The following BCL9L variants were observed in gnomAD, a reference collection of about 807,000 sequenced individuals.
The protein encoded by BCL9L is BCL9 like.
Under a neutral mutation model 99.4 loss-of-function variants are expected in BCL9L, and 19 were observed. That is an observed-to-expected ratio of 0.19 (90% confidence interval 0.13 to 0.28). The LOEUF is 0.28. BCL9L is among the 10% of genes least tolerant of loss of function. BCL9L has a pLI of 1.00. For synonymous variants in BCL9L, 900 were observed against 854.8 expected, an observed-to-expected ratio of 1.05 and a Z score of -0.92; for missense variants, 2,023 against 2,101.6, an observed-to-expected ratio of 0.96 and a Z score of 0.73.
chr11:118,902,735 G>A lies in BCL9L; in HGVS notation c.1008C>T (p.Pro336=). The A allele has an allele frequency of 1.3e-6, 2 of 1,596,604 alleles. No homozygotes were observed. Among genetic ancestry groups the A allele is most frequent in the South Asian group, 1.1e-5 (1 of 90,766 alleles). The stretch of plus-strand genomic sequence containing the variant: ...CTGTGCTGGCAGCTCCCACCGAGTT[G>A]GGGGCCAGGTCCTGACTGCTGTCCT... ...PPEDSSQDLA[P]NSVGAASTGG... The change falls in exon 8 of 10, where the codon CCC becomes CCT. Residue 336 remains proline (P), a synonymous_variant. Transcript: ENST00000683865. This position sits in a 1 kb window ranked among gnomAD's most constrained non-coding sequence, Gnocchi z 7.8.
Position 118,907,581 on chromosome 11 carries a change from C to A in BCL9L, c.434G>T (p.Arg145Leu), listed in dbSNP as rs780637963. 1 of 1,613,474 alleles carries A rather than the reference C, an allele frequency of 6.2e-7. No individual in the cohort carries two copies. The highest frequency in any genetic ancestry group is 1.7e-5 in the Admixed American group (1 of 60,014). Reference sequence around the variant, plus strand: ...CTGCTTCCGCTCCAGCACACAGCGCCGCTTACTCCGCGGCGCCACCTCTGC... The same window carrying A: ...CTGCTTCCGCTCCAGCACACAGCGCAGCTTACTCCGCGGCGCCACCTCTGC... ...EAKEVAPRSKRRCVLERKQPY... is the reference protein window; with the variant it reads ...EAKEVAPRSKLRCVLERKQPY... Residue 145 changes from arginine to leucine, a missense_variant, in exon 5 of 10, where the codon CGG becomes CTG. Physicochemically the swap from Arg to Leu is moderately radical, Grantham distance 102 (BLOSUM62 -2). Coordinates refer to ENST00000683865, the MANE Select transcript of BCL9L (RefSeq NM_001378213.1).
At chr11:118,907,309 T>G (rs976890480) in intron 5 of BCL9L, among the ~76,000 whole-genome samples, 174 bp downstream of exon 5, 1 of 152,162 alleles carries the variant, frequency 6.6e-6, no homozygotes, top group Non-Finnish European at 1.5e-5. Context: ...ACTGAGCACC[T>G]GGAAGGCAGA....
At chr11:118,909,216 G>A (rs907377205) in intron 3 of BCL9L, among the ~76,000 whole-genome samples, 1 of 152,186 alleles carries the variant, frequency 6.6e-6, no homozygotes, top group African/African-American at 2.4e-5. Flanking sequence ...CCTGAGGAGG[G>A]GGGCTTGGCA....
rs1243643332 is a variant in BCL9L, at chr11:118,925,830, G to T, written c.-723C>A. 1.3e-5 allele frequency among the ~76,000 whole-genome samples: 2 copies of T among 151,002 alleles called. No homozygotes were observed. Among genetic ancestry groups the T allele is most frequent in the East Asian group, 3.9e-4 (2 of 5,110 alleles). ...CGGCCCCGGGTCCGGGGCATGTCCA[G>T]CCACTGGCTCCGCCGCGCGCCGCCG... On this transcript the variant is annotated 5_prime_UTR_variant, in exon 1 of 10. The change creates a new upstream start codon in the 5' untranslated region. Coordinates refer to ENST00000683865, the MANE Select transcript of BCL9L (RefSeq NM_001378213.1). The surrounding 1 kb of genome is among the most constrained non-coding windows in gnomAD (Gnocchi z 6.4).
chr11:118,901,997 C>T lies in BCL9L; in HGVS notation c.1746G>A (p.Gly582=), dbSNP rs139573257. The part of the protein sequence containing the change: ...WPPGMGAQLR[G]PMDVQDPMQL... ...GCATGGGATCTTGAACATCCATGGGCCCCCGCAGCTGCGCACCCATTCCAG... is the reference window on the plus strand; with the variant it reads ...GCATGGGATCTTGAACATCCATGGGTCCCCGCAGCTGCGCACCCATTCCAG... Residue 582 remains glycine, a synonymous_variant, in exon 8 of 10, where the codon GGG becomes GGA. Coordinates refer to ENST00000683865, the MANE Select transcript of BCL9L (RefSeq NM_001378213.1). The surrounding 1 kb of genome is among the most constrained non-coding windows in gnomAD (Gnocchi z 6.6). 6.2e-7 allele frequency: 1 copy of T among 1,612,942 alleles called. No individual in the cohort carries two copies. Among genetic ancestry groups the T allele is most frequent in the African/African-American group, 1.3e-5 (1 of 74,938 alleles).
At chr11:118,910,220 T>C in intron 2 of BCL9L, 3 of 479,170 alleles carry the variant, frequency 6.3e-6, no homozygotes, top group Non-Finnish European at 1.2e-5. Context: ...CTCAGGGGGC[T>C]TGCAGTCTCC....
Position 118,901,190 on chromosome 11 carries a change from T to A in BCL9L, c.2553A>T (p.Gly851=). ...ACATGGCTTGGTAGGGTCCCTGGCC[T>A]CCAGAGAATCCCTGCTGGCCCTGGT... The part of the protein sequence containing the change: ...FPNQGQQGFS[G]GQGPYQAMSQ... Residue 851 remains glycine (G), a synonymous_variant, in exon 8 of 10, where the codon GGA becomes GGT. Coordinates refer to ENST00000683865, the MANE Select transcript of BCL9L (RefSeq NM_001378213.1). This position sits in a 1 kb window ranked among gnomAD's most constrained non-coding sequence, Gnocchi z 6.6. 1 of 1,613,990 alleles carries A rather than the reference T, an allele frequency of 6.2e-7. No homozygotes were observed. Among genetic ancestry groups the A allele is most frequent in the Non-Finnish European group, 8.5e-7 (1 of 1,179,966 alleles).
intron 2 of BCL9L, among the ~76,000 whole-genome samples, chr11:118,918,612 GGGTTC>G (rs1439736780): frequency 6.6e-6 from 1 of 151,936 alleles, no homozygotes; most frequent in Non-Finnish European, 1.5e-5. Flanking sequence ...ACTGGGTCTA[GGGTTC>G]TGGTCAGCCT....
At chr11:118,907,244 CAAG>C (rs373110094) in intron 5 of BCL9L, among the ~76,000 whole-genome samples, 70 of 152,260 alleles carry the variant, frequency 4.6e-4, no homozygotes, top group Middle Eastern at 3.4e-3. Flanking sequence ...GTGACGTGAC[CAAG>C]AAGGAGGCCA....
intron 2 of BCL9L, 39 bp from the exon 3 acceptor site, chr11:118,910,054 G>A (rs1023650821): frequency 2.7e-6 from 4 of 1,456,448 alleles, no homozygotes; most frequent in African/African-American, 2.8e-5. Context: ...TCGTGACTTG[G>A]GGAGGGGGTG....
intron 9 of BCL9L, among the ~76,000 whole-genome samples, 161 bp downstream of exon 9, chr11:118,899,756 T>C (rs1267251499): frequency 6.6e-6 from 1 of 152,108 alleles, no homozygotes; most frequent in Non-Finnish European, 1.5e-5. Flanking sequence ...TGGGCTGGGT[T>C]TCCCTAATGA....
intron 1 of BCL9L, among the ~76,000 whole-genome samples, chr11:118,920,932 C>T (rs1941119325): frequency 6.6e-6 from 1 of 152,142 alleles, no homozygotes; most frequent in South Asian, 2.1e-4. Context: ...GACATGTTCC[C>T]AGGGAGGAGA....
Position 118,900,523 on chromosome 11 carries a change from C to G in BCL9L, c.3124+96G>C. On this transcript the variant is annotated intron_variant, in intron 8 of 9. Coordinates refer to ENST00000683865, the MANE Select transcript of BCL9L (RefSeq NM_001378213.1). This position sits in a 1 kb window ranked among gnomAD's most constrained non-coding sequence, Gnocchi z 5.3. ...GCCATCCACCTCTGGGCCCGTGGTA[C>G]ACAGGCCCTTACTCACTCACTGCCC... 1 of 1,498,944 alleles carries G rather than the reference C, an allele frequency of 6.7e-7. No individual in the cohort carries two copies. Among genetic ancestry groups the G allele is most frequent in the Non-Finnish European group, 8.8e-7 (1 of 1,130,552 alleles). The allele number at this position is 1,498,944 out of a possible 1,614,324, so 92.9% of individuals were successfully genotyped here.
At chr11:118,924,424 C>G (rs564988989) in intron 1 of BCL9L, among the ~76,000 whole-genome samples, 1 of 151,888 alleles carries the variant, frequency 6.6e-6, no homozygotes, top group African/African-American at 2.4e-5. Flanking sequence ...GCTGGACAGA[C>G]AGACAGTAGC....
chr11:118,918,277 GTGTGTGTCTGTGTC>G (rs1321533089), intron 2 of BCL9L, among the ~76,000 whole-genome samples: 3 of 152,178 alleles, frequency 2.0e-5, no homozygotes, highest in African/African-American at 4.8e-5. Context: ...GTGTGTGTGT[GTGTGTGTCTGTGTC>G]TGTGTGTCTG....
At chr11:118,923,757 C>T (rs558017164) in intron 1 of BCL9L, among the ~76,000 whole-genome samples, 25 of 152,328 alleles carry the variant, frequency 1.6e-4, no homozygotes, top group African/African-American at 6.0e-4. Flanking sequence ...AGGGAGGTGG[C>T]CAGAAGGCTG....
rs180845748 is a variant in BCL9L at position 118,912,254 on chromosome 11, G to A, written c.-76-2239C>T. ...AATTTTAAAGCACCCAGTGAAGGGG[G>A]CTTGCTAGTACCAGGCCAGGGGCCC... On this transcript the variant is annotated intron_variant, in intron 2 of 9. Coordinates refer to ENST00000683865, the MANE Select transcript of BCL9L (RefSeq NM_001378213.1). 1.3e-3 allele frequency among the ~76,000 whole-genome samples: 197 copies of A among 152,370 alleles called. 1 individual carries two copies. Among genetic ancestry groups the A allele is most frequent in the African/African-American group, 4.7e-3 (194 of 41,594 alleles).
At chr11:118,915,326 C>T (rs2134433717) in intron 2 of BCL9L, among the ~76,000 whole-genome samples, 1 of 152,316 alleles carries the variant, frequency 6.6e-6, no homozygotes. Flanking sequence ...TGACAAACCA[C>T]TTCTGGCCTC....
At position 118,897,511 on chromosome 11, in the gene BCL9L, C is replaced by T. The variant is rs899753927; in HGVS notation, c.*904G>A. The T allele has an allele frequency of 7.5e-5, 25 of 334,278 alleles. No homozygotes were observed. The highest frequency in any genetic ancestry group is 5.0e-4 in the African/African-American group (23 of 45,618). The allele number at this position is 334,278 out of a possible 1,614,324, so 20.7% of individuals were successfully genotyped here. The stretch of plus-strand genomic sequence containing the variant: ...TCTCCCTGAATCACTCAGCAGCAGA[C>T]AGGCTGCCGCCCTGGGGGTCTCAGC... On this transcript the variant is annotated 3_prime_UTR_variant, in exon 10 of 10. Coordinates refer to ENST00000683865, the MANE Select transcript of BCL9L (RefSeq NM_001378213.1).
Sources: allele counts gnomAD v4.1 joint callset (sites outside exome capture counted in the v4.1 genomes callset), GRCh38; gene constraint gnomAD v4.1.1; non-coding constraint Gnocchi (gnomAD v3.1); transcripts MANE v1.5; gene names NCBI Gene and HGNC (gene_info 2026-07-23, HGNC 2026-07-21).